THBS4: variants seen among roughly 807,000 people sequenced by gnomAD.
THBS4 encodes the protein thrombospondin-4.
In THBS4, 90 loss-of-function variants were observed where a neutral mutation model predicts 115.7. The ratio of observed to expected loss-of-function variants is 0.78; its 90% confidence interval spans 0.66 to 0.93. The LOEUF is 0.93. THBS4 is among the 40% of genes least tolerant of loss of function. The pLI, the probability that THBS4 is intolerant of heterozygous loss-of-function variation, is 0.00. For missense variants in THBS4, 1,087 were observed against 1,232.7 expected, an observed-to-expected ratio of 0.88 and a Z score of 1.77; for synonymous variants, 460 against 479.3, an observed-to-expected ratio of 0.96 and a Z score of 0.53.
intron 14 of THBS4, chr5:80,072,621 A>G (rs1834109603): frequency 3.7e-6 from 2 of 537,000 alleles, no homozygotes; most frequent in Non-Finnish European, 6.7e-6. Context: ...ATTGCCTGTG[A>G]GGTTAGTAAC....
intron 2 of THBS4, among the ~76,000 whole-genome samples, chr5:80,004,847 C>T (rs1456304848): frequency 3.9e-5 from 6 of 152,112 alleles, no homozygotes; most frequent in African/African-American, 1.4e-4. Flanking sequence ...AAGTGATTCT[C>T]CTGCCTCAGC....
chr5:80,074,922 T>C (rs1345095772), intron 15 of THBS4, among the ~76,000 whole-genome samples: 1 of 152,138 alleles, frequency 6.6e-6, no homozygotes, highest in Non-Finnish European at 1.5e-5. Flanking sequence ...GCAAAGTACA[T>C]ATAGTCATCC....
chr5:80,031,094 A>C (rs1297295881), upstream of THBS4, among the ~76,000 whole-genome samples: 1 of 152,200 alleles, frequency 6.6e-6, no homozygotes, highest in Non-Finnish European at 1.5e-5. Context: ...CATGCAGCAA[A>C]GGGGTTTGAA....
At chr5:79,994,640 A>G (rs1831753170) in intron 1 of THBS4, among the ~76,000 whole-genome samples, 1 of 152,174 alleles carries the variant, frequency 6.6e-6, no homozygotes, top group Admixed American at 6.5e-5. Context: ...CCTTGTCTCA[A>G]CAGAAACACA....
At chr5:80,004,662 C>A (rs148989574) in intron 2 of THBS4, among the ~76,000 whole-genome samples, 1 of 152,146 alleles carries the variant, frequency 6.6e-6, no homozygotes, top group African/African-American at 2.4e-5. Flanking sequence ...TTTATTGTTT[C>A]ACTTACCATG....
intron 15 of THBS4, 28 bp from the exon 16 acceptor site, chr5:80,076,827 G>A (rs1330735836): frequency 1.3e-6 from 2 of 1,511,208 alleles, no homozygotes; most frequent in African/African-American, 1.4e-5. Flanking sequence ...TGAACTGTGA[G>A]CCACATCACC....
intron 2 of THBS4, among the ~76,000 whole-genome samples, chr5:80,005,171 T>G (rs1021303462): frequency 6.6e-6 from 1 of 152,344 alleles, no homozygotes; most frequent in Non-Finnish European, 1.5e-5. Flanking sequence ...TTTTCCTTAT[T>G]GTTCTTAGCT....
intron 2 of THBS4, among the ~76,000 whole-genome samples, chr5:80,054,479 C>A (rs1332459590): frequency 6.6e-6 from 1 of 152,064 alleles, no homozygotes; most frequent in Non-Finnish European, 1.5e-5. Context: ...CACCACCATG[C>A]CTGGCTAATT....
chr5:80,053,848 C>T lies in THBS4; in HGVS notation c.293-1937C>T, dbSNP rs533304633. On this transcript the variant is annotated intron_variant, in intron 2 of 21. Coordinates refer to ENST00000350881, the MANE Select transcript of THBS4 (RefSeq NM_003248.6). Reference sequence around the variant, plus strand: ...CAAAGTGCTGGGTTTGGGAATGGTACCTGTGGATGCACCTAGAGGTGTGTT... The same window carrying T: ...CAAAGTGCTGGGTTTGGGAATGGTATCTGTGGATGCACCTAGAGGTGTGTT... Among the ~76,000 whole-genome samples, 61 of 152,190 alleles carry T rather than the reference C, an allele frequency of 4.0e-4. 1 individual carries two copies. The highest frequency in any genetic ancestry group is 2.3e-3 in the Admixed American group (35 of 15,278).
At chr5:80,030,573 T>C (rs1445036303), upstream of THBS4, among the ~76,000 whole-genome samples, 2 of 152,180 alleles carry the variant, frequency 1.3e-5, no homozygotes, top group Non-Finnish European at 2.9e-5. Context: ...TTCACCATGT[T>C]GGCCAGGCTG....
rs763207936 is a variant in THBS4 at position 80,055,849 on chromosome 5, G to A, written c.357G>A (p.Leu119=). Residue 119 remains leucine (L), a synonymous_variant, in exon 3 of 22, where the codon CTG becomes CTA. Transcript: ENST00000350881. ...VHLVVFNNLQ[L]ADGRRHRILL... ...TGGTGGTTTTCAACAACCTGCAGCTGGCAGACGGAAGGCGGCACAGGATCC... is the reference window on the plus strand; with the variant it reads ...TGGTGGTTTTCAACAACCTGCAGCTAGCAGACGGAAGGCGGCACAGGATCC... 6.2e-7 allele frequency: 1 copy of A among 1,614,166 alleles called. No individual in the cohort carries two copies. Among genetic ancestry groups the A allele is most frequent in the Admixed American group, 1.7e-5 (1 of 60,018 alleles).
chr5:80,079,071 C>CTT lies in THBS4; in HGVS notation c.2327_2328dup (p.Asn777LeufsTer12). The CTT allele has an allele frequency of 6.2e-7, 1 of 1,613,506 alleles. No individual in the cohort carries two copies. The highest frequency in any genetic ancestry group is 1.1e-5 in the South Asian group (1 of 91,006). On this transcript the variant is annotated frameshift_variant, in exon 19 of 22. Coordinates refer to ENST00000350881, the MANE Select transcript of THBS4 (RefSeq NM_003248.6). LOFTEE classifies it high-confidence loss of function. ...TATCTGGTCCCTACAGGGTACACAG[C>CTT]TTTTAATGGAGTTGACTTCGAAGGG...
At chr5:80,046,209 G>A (rs1393131195) in intron 2 of THBS4, among the ~76,000 whole-genome samples, 1 of 152,170 alleles carries the variant, frequency 6.6e-6, no homozygotes, top group Non-Finnish European at 1.5e-5. Context: ...CAAGGGGAGT[G>A]TTCTTCAAAT....
At chr5:80,062,509 A>G (rs1473670830) in intron 8 of THBS4, among the ~76,000 whole-genome samples, 1 of 152,188 alleles carries the variant, frequency 6.6e-6, no homozygotes. Flanking sequence ...CTAGCTGCCT[A>G]TCAAAGGGTT....
intron 2 of THBS4, among the ~76,000 whole-genome samples, chr5:80,022,846 G>A (rs1832404849): frequency 6.6e-6 from 1 of 152,282 alleles, no homozygotes. Context: ...TAAGAAGCAG[G>A]TTTCTAAAGC....
chr5:80,058,123 A>G, intron 3 of THBS4, 83 bp from the exon 4 acceptor site: 1 of 1,035,838 alleles, frequency 9.7e-7, no homozygotes, highest in Non-Finnish European at 1.5e-6. Context: ...GGACTACTTG[A>G]TTATGAAAAT....
intron 1 of THBS4, among the ~76,000 whole-genome samples, chr5:79,998,172 C>T (rs1427588357): frequency 6.6e-6 from 1 of 152,244 alleles, no homozygotes; most frequent in African/African-American, 2.4e-5. Context: ...AATCACATGT[C>T]GAATTGTAAT....
At chr5:80,053,435 A>T (rs1029623885) in intron 2 of THBS4, among the ~76,000 whole-genome samples, 4 of 150,696 alleles carry the variant, frequency 2.7e-5, no homozygotes, top group African/African-American at 9.8e-5. Flanking sequence ...AACCCAGGAC[A>T]GTGCTGAAGT....
At chr5:80,023,438 T>C (rs964525850) in intron 2 of THBS4, among the ~76,000 whole-genome samples, 2 of 152,206 alleles carry the variant, frequency 1.3e-5, no homozygotes, top group African/African-American at 2.4e-5. Flanking sequence ...CCTGCTGTAT[T>C]TTCCTTCCAT....
Sources: allele counts gnomAD v4.1 joint callset (sites outside exome capture counted in the v4.1 genomes callset), GRCh38; gene constraint gnomAD v4.1.1; transcripts MANE v1.5; gene names NCBI Gene and HGNC (gene_info 2026-07-23, HGNC 2026-07-21).